Variants in RNF213 observed in about 807,000 individuals in gnomAD.
RNF213 encodes E3 ubiquitin-protein ligase RNF213.
In RNF213, 341 loss-of-function variants were observed where a neutral mutation model predicts 514.4. That is an observed-to-expected ratio of 0.66 (90% CI 0.61 to 0.73). The LOEUF is 0.73. Ranked by LOEUF, RNF213 falls within the 30% of genes least tolerant of loss-of-function variation. RNF213 has a pLI of 0.00. For synonymous variants in RNF213, 2,655 were observed against 2,658.2 expected, an observed-to-expected ratio of 1.00 and a Z score of 0.04; for missense variants, 5,767 against 6,615.6, an observed-to-expected ratio of 0.87 and a Z score of 4.45.
chr17:80,346,302 C>CGATGCTCTTAGCGCAGCT lies in RNF213; in HGVS notation c.7970_7987dup (p.Met2657_Leu2662dup). ...TTCAGGTGGTTCCACGAGCACAGCG[C>CGATGCTCTTAGCGCAGCT]GATGCTCTTAGCGCAGCTGAATGCC... On this transcript the variant is annotated inframe_insertion, in exon 29 of 68. Transcript: ENST00000582970. This position sits in a 1 kb window ranked among gnomAD's most constrained non-coding sequence, Gnocchi z 8.1. 1 of 1,614,060 alleles carries CGATGCTCTTAGCGCAGCT rather than the reference C, an allele frequency of 6.2e-7. No homozygotes were observed. The highest frequency in any genetic ancestry group is 8.5e-7 in the Non-Finnish European group (1 of 1,180,044).
In RNF213 at chr17:80,337,620, C is replaced by T. The variant is rs1363436993; in HGVS notation, c.4562C>T (p.Thr1521Ile). 1 of 1,537,176 alleles carries T rather than the reference C, an allele frequency of 6.5e-7. No homozygotes were observed. Among genetic ancestry groups the T allele is most frequent in the Non-Finnish European group, 8.7e-7 (1 of 1,146,932 alleles). ...GCCAGGAACTTGGAATGGCTGAAGA[C>T]TGTGAATGAGAGTCATGGGTCTGTG... ...DSARNLEWLK[T>I]VNESHGSVER... The change falls in exon 24 of 68, where the codon ACT becomes ATT. Residue 1521 changes from threonine (T) to isoleucine (I), a missense_variant. Thr to Ile is a moderately conservative substitution (Grantham distance 89). Around this residue, in one of 13 missense-constraint regions of RNF213, gnomAD observed 1,377 missense variants for 1,635.2 expected, o/e 0.84. Coordinates refer to ENST00000582970, the MANE Select transcript of RNF213 (RefSeq NM_001256071.3).
In RNF213 at chr17:80,328,311, G is replaced by A. The variant is rs1464355305; in HGVS notation, c.3368-17G>A. On this transcript the variant is annotated splice_polypyrimidine_tract_variant and intron_variant, in intron 19 of 67. Transcript: ENST00000582970. The stretch of plus-strand genomic sequence containing the variant: ...GTTGCTGTATTGGGTTACTTTATTG[G>A]TGTTCTTATTTTCCAGGGGAAAAAA... 6.5e-7 allele frequency: 1 copy of A among 1,533,392 alleles called. No homozygotes were observed. Among genetic ancestry groups the A allele is most frequent in the Non-Finnish European group, 8.7e-7 (1 of 1,144,686 alleles). 95.0% of individuals were successfully genotyped at this position (1,533,392 alleles called of 1,614,324 possible). A position where few individuals can be genotyped will look rare whatever the true frequency, so the allele number is the denominator to read the frequency against.
Position 80,350,326 on chromosome 17 carries a change from T to C in RNF213, c.10114T>C (p.Cys3372Arg), listed in dbSNP as rs747986417. ...AAACTGTTTAACGAATACAGCCAAA[T>C]GTAAAATCCTCATTTTTCAGACAGA... Reference protein sequence around the residue: ...VRNCLTNTAKCKILIFQTDFE... With the variant: ...VRNCLTNTAKRKILIFQTDFE... The change falls in exon 31 of 68, where the codon TGT (cysteine) becomes CGT (arginine). Residue 3372 changes from cysteine to arginine, a missense_variant. Transcript: ENST00000582970. 4.3e-6 allele frequency: 7 copies of C among 1,610,076 alleles called. No individual in the cohort carries two copies. In the South Asian group the frequency reaches 6.6e-5, roughly 15 times the overall value.
Position 80,339,381 on chromosome 17 carries a change from C to A in RNF213, c.5014C>A (p.Leu1672Met). 6.5e-7 allele frequency: 1 copy of A among 1,537,264 alleles called. No homozygotes were observed. The highest frequency in any genetic ancestry group is 2.4e-5 in the East Asian group (1 of 40,908). The stretch of plus-strand genomic sequence containing the variant: ...TAAAGAAGGTGGAGATGTCACTGAG[C>A]TGCTGGCAGCCCTCTGCAGGCAGAT... The part of the protein sequence containing the change: ...ELKEGGDVTE[L>M]LAALCRQMEH... Residue 1672 changes from leucine (L) to methionine (M), a missense_variant, in exon 26 of 68, where the codon CTG becomes ATG. Leu to Met is a conservative substitution (Grantham distance 15, BLOSUM62 2). Transcript: ENST00000582970.
At chr17:80,283,520 G>A (rs1205682721) in intron 3 of RNF213, among the ~76,000 whole-genome samples, 1 of 152,210 alleles carries the variant, frequency 6.6e-6, no homozygotes, top group East Asian at 1.9e-4. Context: ...AGTGAGGCCA[G>A]GCCTGGCTCC....
chr17:80,376,833 G>A (rs1287486242), intron 52 of RNF213, 49 bp from the exon 53 acceptor site: 2 of 1,515,380 alleles, frequency 1.3e-6, no homozygotes, highest in Non-Finnish European at 1.8e-6. Context: ...GCAGCACCCA[G>A]GTGACAAGCT....
chr17:80,379,712 C>A lies in RNF213; in HGVS notation c.13638C>A (p.Val4546=). 1.2e-6 allele frequency: 2 copies of A among 1,613,590 alleles called. No homozygotes were observed. The highest frequency in any genetic ancestry group is 1.1e-5 in the South Asian group (1 of 91,032). The change falls in exon 55 of 68, where the codon GTC becomes GTA. Residue 4546 remains valine (V), a splice_region_variant and synonymous_variant. Transcript: ENST00000582970. ...DHKPRDGFHL[V]KDKADRTQTG... is the part of the protein sequence containing the mutation. ...AACCTCGGGACGGCTTTCATCTGGT[C>A]AAGTATGTGGGTCAGGATTCTATTT...
At chr17:80,349,634 T>G in intron 29 of RNF213, 136 bp from the exon 30 acceptor site, 1 of 1,024,820 alleles carries the variant, frequency 9.8e-7, no homozygotes, top group Non-Finnish European at 1.5e-6. Flanking sequence ...CTCCTTTGGG[T>G]TTGGATTCTG....
At chr17:80,360,362 A>G (rs1412017290) in intron 38 of RNF213, 156 bp downstream of exon 38, 4 of 820,216 alleles carry the variant, frequency 4.9e-6, no homozygotes, top group Non-Finnish European at 8.0e-6. Context: ...AATTTACGTC[A>G]CCGCGTCATT....
In RNF213 at chr17:80,354,495, AAG is replaced by A; in HGVS notation, c.10786_10787del (p.Ser3596ProfsTer75). On this transcript the variant is annotated frameshift_variant, in exon 36 of 68. Transcript: ENST00000582970. LOFTEE classifies it high-confidence loss of function. ...CTCAGTGTCTTTTTAAAGAAGCAAG[AAG>A]AGAGCCAGTTTCACCCTCTGGAGTG... 1 of 1,614,234 alleles carries A rather than the reference AAG, an allele frequency of 6.2e-7. No homozygotes were observed. The highest frequency in any genetic ancestry group is 8.5e-7 in the Non-Finnish European group (1 of 1,180,044).
At position 80,349,892 on chromosome 17, in the gene RNF213, C is replaced by T. The variant is rs1425827980; in HGVS notation, c.10074C>T (p.Phe3358=). 6.2e-7 allele frequency: 1 copy of T among 1,613,658 alleles called. No homozygotes were observed. The highest frequency in any genetic ancestry group is 8.5e-7 in the Non-Finnish European group (1 of 1,179,986). The change falls in exon 30 of 68, where the codon TTC becomes TTT. Residue 3358 remains phenylalanine, a synonymous_variant. Transcript: ENST00000582970. ...WLQQFDTEYS[F]LKEVRNCLTN... is the part of the protein sequence containing the mutation. ...AGCAGTTTGACACCGAGTACTCATT[C>T]CTCAAAGAAGTCCGGTGAGGTTCCC...
intron 15 of RNF213, among the ~76,000 whole-genome samples, chr17:80,313,644 G>C (rs925777939): frequency 6.7e-6 from 1 of 148,162 alleles, no homozygotes; most frequent in African/African-American, 2.5e-5. Context: ...GGTGGTGATG[G>C]TGATGGTTGT....
In RNF213 at chr17:80,383,014, G is replaced by T. The variant is rs375561682; in HGVS notation, c.14014G>T (p.Glu4672Ter). The change falls in exon 58 of 68, where the codon GAA becomes TAA. Residue 4672 changes from glutamate to a stop codon, truncating the protein, a stop_gained. Transcript: ENST00000582970. LOFTEE classifies it high-confidence loss of function. ...TTTTGACACAGAATTGTCAACTAAA[G>T]AAATGAGGAACAACTGGGAAAAGGA... ...LNFDTELSTKEMRNNWEKEIA... is the reference protein window; with the variant it reads ...LNFDTELSTK The T allele has an allele frequency of 6.2e-7, 1 of 1,614,026 alleles. No homozygotes were observed. Among genetic ancestry groups the T allele is most frequent in the South Asian group, 1.1e-5 (1 of 91,074 alleles).
intron 11 of RNF213, among the ~76,000 whole-genome samples, chr17:80,302,022 A>G (rs2143508590): frequency 6.6e-6 from 1 of 152,332 alleles, no homozygotes; most frequent in South Asian, 2.1e-4. Flanking sequence ...AAGTGAAATA[A>G]GCCAGGCGCA....
intron 67 of RNF213, 84 bp from the exon 68 acceptor site, chr17:80,393,261 G>C: frequency 1.8e-6 from 2 of 1,139,152 alleles, no homozygotes; most frequent in Non-Finnish European, 2.5e-6. Flanking sequence ...GCTTACACAC[G>C]TGAGCCACAC....
At chr17:80,277,595 C>CAAAAAAAAA (rs34659718) in intron 3 of RNF213, among the ~76,000 whole-genome samples, 2 of 69,730 alleles carry the variant, frequency 2.9e-5, no homozygotes, top group Non-Finnish European at 2.8e-5. Context: ...GACTCTGTCT[C>CAAAAAAAAA]AAAAAAAAAA....
chr17:80,297,449 CA>C (rs763957997), intron 10 of RNF213, among the ~76,000 whole-genome samples: 3,171 of 123,488 alleles, frequency 0.026, 102 homozygotes, highest in African/African-American at 0.084. Context: ...GACTTCATCT[CA>C]AAAAAAAAAA....
In RNF213 at chr17:80,363,701, G is replaced by A. The variant is rs753731394; in HGVS notation, c.11661G>A (p.Lys3887=). ...PSPQAWLQLV[K]NLSMPLELIC... ...CCCAGGCGTGGCTACAGTTGGTGAA[G>A]AATCTTTCCATGCCGCTGGAGCTCA... Residue 3887 remains lysine, a synonymous_variant, in exon 41 of 68, where the codon AAG becomes AAA. Transcript: ENST00000582970. 6 of 1,614,002 alleles carry A rather than the reference G, an allele frequency of 3.7e-6. No individual in the cohort carries two copies. Among genetic ancestry groups the A allele is most frequent in the South Asian group, 2.2e-5 (2 of 91,062 alleles).
At position 80,345,671 on chromosome 17, in the gene RNF213, A is replaced by G. The variant is rs2078285819; in HGVS notation, c.7336A>G (p.Ile2446Val). 6.2e-7 allele frequency: 1 copy of G among 1,614,134 alleles called. No individual in the cohort carries two copies. Among genetic ancestry groups the G allele is most frequent in the Non-Finnish European group, 8.5e-7 (1 of 1,180,060 alleles). Residue 2446 changes from isoleucine to valine, a missense_variant, in exon 29 of 68, where the codon ATA becomes GTA. This residue lies in a region of RNF213 where 1,377 missense variants were observed against 1,635.2 expected (regional missense o/e 0.84). Coordinates refer to ENST00000582970, the MANE Select transcript of RNF213 (RefSeq NM_001256071.3). The surrounding 1 kb of genome is among the most constrained non-coding windows in gnomAD (Gnocchi z 6.0). ...GCGTGGTGGTACCAATGCTGACACC[A>G]TAAAGCTGGTCAAGGTGCACGGAGG... ...LRRGGTNADT[I>V]KLVKVHGGTT...
Sources: gnomAD v4.1 joint callset for allele counts (sites outside exome capture counted in the v4.1 genomes callset) on GRCh38, gnomAD v4.1.1 for gene constraint, gnomAD v4.1.1 regional missense constraint, Gnocchi (gnomAD v3.1) non-coding constraint, MANE v1.5 for transcripts, NCBI Gene and HGNC (gene_info 2026-07-23, HGNC 2026-07-21) for gene names.